Variants in TBL1X observed in about 807,000 individuals in gnomAD.
The protein encoded by TBL1X is transducin beta like 1 X-linked.
In TBL1X, 10 loss-of-function variants were observed where a neutral mutation model predicts 50.7. That is an observed-to-expected ratio of 0.20 (90% confidence interval 0.12 to 0.33). The LOEUF (loss-of-function observed/expected upper bound fraction) is 0.33, where lower values mean the gene tolerates loss of function less well. Among genes scored for constraint, TBL1X ranks in the 10% least tolerant of loss-of-function variants. TBL1X has a pLI of 1.00. For missense variants in TBL1X, 340 were observed against 504.4 expected (o/e 0.67, Z 3.12); for synonymous variants, 190 against 214.7 (o/e 0.88, Z 1.01).
intron 5 of TBL1X, among the ~76,000 whole-genome samples, chrX:9,675,887 G>A (rs1227684289): frequency 2.3e-5 from 2 of 85,931 alleles, no homozygotes; most frequent in Non-Finnish European, 4.5e-5. Context: ...ATGCAACTCT[G>A]TCTCAAAAAA....
chrX:9,661,110 A>T (rs745630011), intron 5 of TBL1X, among the ~76,000 whole-genome samples: 1 of 112,506 alleles, frequency 8.9e-6, no homozygotes, highest in East Asian at 2.8e-4. Context: ...CACCTACTCT[A>T]TGTATTTTGG....
chrX:9,600,053 C>T (rs755445992), intron 2 of TBL1X, among the ~76,000 whole-genome samples: 5 of 111,817 alleles, frequency 4.5e-5, no homozygotes, highest in Non-Finnish European at 9.4e-5. Context: ...AGCTGTATCT[C>T]TTTCAGTTGG....
At chrX:9,675,546 A>G (rs1398859127) in intron 5 of TBL1X, among the ~76,000 whole-genome samples, 1 of 111,696 alleles carries the variant, frequency 9.0e-6, no homozygotes, top group East Asian at 2.8e-4. Flanking sequence ...GTAAAAGAGA[A>G]CAGGGATACA....
At chrX:9,508,023 A>G (rs1488821001) in intron 2 of TBL1X, among the ~76,000 whole-genome samples, 7 of 112,496 alleles carry the variant, frequency 6.2e-5, no homozygotes, top group African/African-American at 2.3e-4. Flanking sequence ...CATTCATGAC[A>G]TAGGCATGGG....
At chrX:9,503,972 C>T (rs1463851697) in intron 2 of TBL1X, among the ~76,000 whole-genome samples, 2 of 112,036 alleles carry the variant, frequency 1.8e-5, no homozygotes, top group Non-Finnish European at 3.8e-5. Flanking sequence ...CTCCCTGTGT[C>T]ACCCAACTGG....
At chrX:9,643,705 A>G (rs1283573871) in intron 3 of TBL1X, among the ~76,000 whole-genome samples, 1 of 111,031 alleles carries the variant, frequency 9.0e-6, no homozygotes, top group Non-Finnish European at 1.9e-5. Flanking sequence ...AAGTAAAAAC[A>G]TAATAATTAG....
In TBL1X at chrX:9,684,029, C is replaced by T; in HGVS notation, c.212-14C>T. 2 of 1,211,842 alleles carry T rather than the reference C, an allele frequency of 1.7e-6. No individual in the cohort carries two copies. Among genetic ancestry groups the T allele is most frequent in the Non-Finnish European group, 2.2e-6 (2 of 895,546 alleles). On this transcript the variant is annotated splice_polypyrimidine_tract_variant and intron_variant, in intron 5 of 17. Coordinates refer to ENST00000645353, the MANE Select transcript of TBL1X (RefSeq NM_005647.4). ...CGGGTCTCACTCAACCTCAGCTTTC[C>T]CCTCTTGCCACAGGTTTTTCCCACT... is the stretch of plus-strand genomic sequence containing the variant.
intron 2 of TBL1X, among the ~76,000 whole-genome samples, chrX:9,594,829 C>A: frequency 8.9e-6 from 1 of 111,735 alleles, no homozygotes; most frequent in Non-Finnish European, 1.9e-5. Context: ...GTGGGTAGTC[C>A]TGACTTGAAT....
chrX:9,670,782 T>C (rs1303215328), intron 5 of TBL1X, among the ~76,000 whole-genome samples: 2 of 112,470 alleles, frequency 1.8e-5, no homozygotes, highest in Non-Finnish European at 1.9e-5. Flanking sequence ...TCAGGGCTTA[T>C]TGTTCAGCTG....
At chrX:9,556,116 G>A (rs1014881867) in intron 2 of TBL1X, among the ~76,000 whole-genome samples, 1 of 109,506 alleles carries the variant, frequency 9.1e-6, no homozygotes, top group African/African-American at 3.3e-5. Context: ...TTGAGCCCAG[G>A]AGTTAGAGGC....
At chrX:9,491,329 TATATATA>T (rs1171146373) in intron 1 of TBL1X, among the ~76,000 whole-genome samples, 370 of 29,235 alleles carry the variant, frequency 0.013, 6 homozygotes, top group African/African-American at 0.044. Flanking sequence ...TATATATATA[TATATATA>T]TATTTTTTTT....
chrX:9,526,354 CTAGA>C (rs1446832257), intron 2 of TBL1X, among the ~76,000 whole-genome samples: 1 of 111,694 alleles, frequency 9.0e-6, no homozygotes, highest in Non-Finnish European at 1.9e-5. Flanking sequence ...ATAATCTTTT[CTAGA>C]TGAAGCCTGT....
At chrX:9,592,758 T>C (rs1232815879) in intron 2 of TBL1X, among the ~76,000 whole-genome samples, 1 of 112,153 alleles carries the variant, frequency 8.9e-6, no homozygotes, top group Non-Finnish European at 1.9e-5. Context: ...TCCCTAAGCA[T>C]AATGTTTTCA....
At chrX:9,674,683 C>T (rs2082981895) in intron 5 of TBL1X, among the ~76,000 whole-genome samples, 2 of 8,788 alleles carry the variant, frequency 2.3e-4, no homozygotes, top group Admixed American at 8.0e-4. Flanking sequence ...CGCCTCAGCC[C>T]CCCCCCCCCC....
chrX:9,472,931 T>A (rs992869029), intron 1 of TBL1X, among the ~76,000 whole-genome samples: 32 of 110,398 alleles, frequency 2.9e-4, no homozygotes, highest in Non-Finnish European at 7.6e-5. Context: ...AAACAATAAT[T>A]TTAAGAACTG....
intron 2 of TBL1X, among the ~76,000 whole-genome samples, chrX:9,527,536 C>T (rs1028529531): frequency 1.8e-5 from 2 of 111,664 alleles, no homozygotes; most frequent in Non-Finnish European, 3.8e-5. Flanking sequence ...GGGGGTTGAT[C>T]GGTGGAACCT....
intron 2 of TBL1X, chrX:9,639,692 A>G (rs908108447): frequency 2.7e-5 from 3 of 111,764 alleles, no homozygotes; most frequent in African/African-American, 9.8e-5. Context: ...ATTTTAGAGG[A>G]GCCGGAGGAG....
chrX:9,473,835 A>T (rs1385307040), intron 1 of TBL1X, among the ~76,000 whole-genome samples: 1 of 112,720 alleles, frequency 8.9e-6, no homozygotes, highest in Non-Finnish European at 1.9e-5. Context: ...CACTCAGCTC[A>T]TAAGTTCGTG....
At chrX:9,602,952 G>T (rs915519408) in intron 2 of TBL1X, among the ~76,000 whole-genome samples, 1 of 112,481 alleles carries the variant, frequency 8.9e-6, no homozygotes, top group Non-Finnish European at 1.9e-5. Flanking sequence ...CGTTGTGAAC[G>T]AGAAGCCCCA....
Sources: allele counts gnomAD v4.1 joint callset (sites outside exome capture counted in the v4.1 genomes callset), GRCh38; gene constraint gnomAD v4.1.1; transcripts MANE v1.5; gene names NCBI Gene and HGNC (gene_info 2026-07-23, HGNC 2026-07-21).